The following BIRC6 variants were observed in gnomAD, a reference collection of about 807,000 sequenced individuals.
The protein encoded by BIRC6 is dual E2 ubiquitin-conjugating enzyme/E3 ubiquitin-protein ligase BIRC6.
BIRC6 carries 98 observed loss-of-function variants against 503.3 expected under a neutral mutation model. The ratio of observed to expected loss-of-function variants is 0.19; its 90% CI spans 0.17 to 0.23. The LOEUF (loss-of-function observed/expected upper bound fraction) is 0.23. BIRC6 is among the 10% of genes least tolerant of loss of function. The probability of loss-of-function intolerance (pLI) is 1.00; values close to 1 mark genes in which losing one functional copy is unlikely to be tolerated. For missense variants in BIRC6, 5,360 were observed against 5,806.0 expected, an observed-to-expected ratio of 0.92 and a Z score of 2.50; for synonymous variants, 2,240 against 2,078.7, an observed-to-expected ratio of 1.08 and a Z score of -2.11.
At position 32,485,754 on chromosome 2, in the gene BIRC6, C is replaced by G; in HGVS notation, c.7808C>G (p.Pro2603Arg). 6.3e-7 allele frequency: 1 copy of G among 1,587,614 alleles called. No homozygotes were observed. The highest frequency in any genetic ancestry group is 8.6e-7 in the Non-Finnish European group (1 of 1,156,454). ...SILQALTNTSPTLSQSPTGTD... is the reference protein window; with the variant it reads ...SILQALTNTSRTLSQSPTGTD... ...TTACAGGCATTAACAAATACATCTC[C>G]TACATGTAAGTAAAATGACCATTTT... The change falls in exon 40 of 74, where the codon CCT becomes CGT. Residue 2603 changes from proline to arginine, a missense_variant. This residue lies in a region of BIRC6 where 2,299 missense variants were observed against 2,267.2 expected (regional missense o/e 1.01). Coordinates refer to ENST00000421745, the MANE Select transcript of BIRC6 (RefSeq NM_016252.4).
intron 9 of BIRC6, among the ~76,000 whole-genome samples, chr2:32,412,109 A>C (rs1329672462): frequency 6.6e-6 from 1 of 152,076 alleles, no homozygotes; most frequent in Admixed American, 6.5e-5. Flanking sequence ...ACAGGTTTAA[A>C]GGTTGAGACT....
intron 37 of BIRC6, among the ~76,000 whole-genome samples, chr2:32,480,865 C>T (rs986347979): frequency 1.3e-5 from 2 of 151,938 alleles, no homozygotes; most frequent in Admixed American, 6.6e-5. Context: ...TGTTCTCAAA[C>T]TCCTGACCTT....
intron 4 of BIRC6, among the ~76,000 whole-genome samples, chr2:32,389,364 A>G (rs1020487822): frequency 2.0e-5 from 3 of 151,252 alleles, no homozygotes; most frequent in Non-Finnish European, 2.9e-5. Context: ...GGAAAGTGCT[A>G]TCATTTTATA....
chr2:32,534,954 A>T (rs2150102175), intron 61 of BIRC6, among the ~76,000 whole-genome samples: 1 of 151,762 alleles, frequency 6.6e-6, no homozygotes, highest in South Asian at 2.1e-4. Flanking sequence ...TTCAACATGT[A>T]AGAAACTGTT....
intron 32 of BIRC6, among the ~76,000 whole-genome samples, chr2:32,472,696 C>T (rs568682754): frequency 8.5e-5 from 13 of 152,190 alleles, no homozygotes; most frequent in African/African-American, 3.1e-4. Context: ...AACTATTTAA[C>T]CTTATTTTGG....
chr2:32,365,103 C>T (rs764849362), intron 1 of BIRC6, among the ~76,000 whole-genome samples: 43 of 152,218 alleles, frequency 2.8e-4, no homozygotes, highest in Middle Eastern at 6.8e-3. Context: ...TGAATATGTA[C>T]TTTGGCTCTG....
chr2:32,593,394 T>C (rs967650554), intron 66 of BIRC6, among the ~76,000 whole-genome samples: 2 of 152,178 alleles, frequency 1.3e-5, no homozygotes, highest in African/African-American at 2.4e-5. Context: ...AATAACAGAA[T>C]AATATCTTTA....
At chr2:32,479,204 G>C (rs879542105) in intron 36 of BIRC6, among the ~76,000 whole-genome samples, 1 of 152,130 alleles carries the variant, frequency 6.6e-6, no homozygotes, top group Non-Finnish European at 1.5e-5. Context: ...ATGAATAAGC[G>C]TGTTAATGTA....
chr2:32,380,336 A>G, intron 3 of BIRC6, 46 bp downstream of exon 3: 4 of 1,541,602 alleles, frequency 2.6e-6, no homozygotes, highest in Non-Finnish European at 3.5e-6. Context: ...ATTACAATGG[A>G]CACCTCCATT....
chr2:32,479,685 T>A, intron 37 of BIRC6, 68 bp downstream of exon 37: 1 of 1,329,098 alleles, frequency 7.5e-7, no homozygotes, highest in Non-Finnish European at 1.0e-6. Context: ...TAAAGAATGT[T>A]AGAGAAAAAT....
chr2:32,454,910 T>C (rs1024473398), intron 23 of BIRC6, among the ~76,000 whole-genome samples: 31 of 152,350 alleles, frequency 2.0e-4, no homozygotes, highest in African/African-American at 7.2e-4. Context: ...ATTTCCTTTA[T>C]ATGGTGATTC....
At chr2:32,424,829 A>G (rs997381608) in intron 10 of BIRC6, among the ~76,000 whole-genome samples, 2 of 152,068 alleles carry the variant, frequency 1.3e-5, no homozygotes, top group African/African-American at 4.8e-5. Flanking sequence ...TAACCTTTTG[A>G]GAATCACCAA....
intron 66 of BIRC6, chr2:32,590,781 C>G (rs763478220): frequency 1.0e-6 from 1 of 985,474 alleles, no homozygotes; most frequent in Non-Finnish European, 1.2e-6. Context: ...GTGGAAACTT[C>G]AGTTGCTTCC....
At chr2:32,502,739 T>G in intron 47 of BIRC6, 56 bp from the exon 48 acceptor site, 1 of 1,341,142 alleles carries the variant, frequency 7.5e-7, no homozygotes, top group Non-Finnish European at 1.0e-6. Context: ...TGCATTGAGT[T>G]TAGTTCTTAT....
intron 60 of BIRC6, 113 bp downstream of exon 60, chr2:32,529,937 AT>A: frequency 4.6e-6 from 3 of 658,446 alleles, no homozygotes; most frequent in Non-Finnish European, 4.4e-6. Context: ...ATAAGATATA[AT>A]TTTTTTATGA....
chr2:32,417,175 G>A (rs1256797035), intron 10 of BIRC6, among the ~76,000 whole-genome samples: 1 of 152,014 alleles, frequency 6.6e-6, no homozygotes, highest in African/African-American at 2.4e-5. Flanking sequence ...TGTTGCCCAG[G>A]CTGGAGTGCA....
chr2:32,548,049 G>A (rs759100726), intron 64 of BIRC6, 35 bp downstream of exon 64: 49 of 1,511,486 alleles, frequency 3.2e-5, no homozygotes, highest in Admixed American at 1.7e-4. Flanking sequence ...TCATGATAAT[G>A]GCTTTTTTTT....
intron 45 of BIRC6, among the ~76,000 whole-genome samples, chr2:32,493,991 A>G (rs535912437): frequency 9.8e-4 from 149 of 152,344 alleles, no homozygotes; most frequent in Admixed American, 2.8e-3. Context: ...TAAAGCTACC[A>G]GTGATTTTGT....
At chr2:32,490,642 G>T (rs2051588474) in intron 43 of BIRC6, among the ~76,000 whole-genome samples, 1 of 151,906 alleles carries the variant, frequency 6.6e-6, no homozygotes, top group Non-Finnish European at 1.5e-5. Context: ...TGTCTCGTTG[G>T]ATGTTCAAAT....
Sources: gnomAD v4.1 joint callset for allele counts (sites outside exome capture counted in the v4.1 genomes callset) on GRCh38, gnomAD v4.1.1 for gene constraint, gnomAD v4.1.1 regional missense constraint, MANE v1.5 for transcripts, NCBI Gene and HGNC (gene_info 2026-07-23, HGNC 2026-07-21) for gene names.